Variants in CWC27 observed in about 807,000 individuals in gnomAD.
The protein encoded by CWC27 is CWC27 spliceosome associated cyclophilin, also known as spliceosome-associated protein CWC27 homolog.
A neutral mutation model predicts 63.6 loss-of-function variants in CWC27; 47 were observed. The ratio of observed to expected loss-of-function variants is 0.74; its 90% CI spans 0.58 to 0.94. The LOEUF is 0.94. CWC27 is among the 40% of genes least tolerant of loss of function. The probability of loss-of-function intolerance (pLI) is 0.00; values close to 1 mark genes in which losing one functional copy is unlikely to be tolerated. For missense variants in CWC27, 495 were observed against 554.3 expected (o/e 0.89, Z 1.07); for synonymous variants, 175 against 179.8 (o/e 0.97, Z 0.22).
At chr5:64,798,308 C>A (rs1197714462) in intron 7 of CWC27, among the ~76,000 whole-genome samples, 1 of 152,126 alleles carries the variant, frequency 6.6e-6, no homozygotes, top group Admixed American at 6.6e-5. Context: ...TTAGACTAAA[C>A]CCCATGGAAT....
intron 10 of CWC27, 152 bp downstream of exon 10, chr5:64,804,538 C>T (rs1170499040): frequency 4.6e-5 from 32 of 695,406 alleles, no homozygotes; most frequent in Non-Finnish European, 6.9e-5. Context: ...CATTAGCAGG[C>T]CTAAAATAAA....
chr5:64,776,300 G>C (rs535367344), intron 2 of CWC27, among the ~76,000 whole-genome samples: 1 of 152,138 alleles, frequency 6.6e-6, no homozygotes, highest in South Asian at 2.1e-4. Context: ...AGATTCAAAA[G>C]CTCAAGTTTT....
chr5:64,861,613 A>G (rs1288675421), intron 10 of CWC27, among the ~76,000 whole-genome samples: 1 of 152,176 alleles, frequency 6.6e-6, no homozygotes, highest in African/African-American at 2.4e-5. Context: ...TGCTTTTTCT[A>G]TTTATGTGAA....
Position 65,008,796 on chromosome 5 carries a change from TATAA to T in CWC27, c.1257-9359_1257-9356del, listed in dbSNP as rs1749894108. The stretch of plus-strand genomic sequence containing the variant: ...TAACATTTCTATAATTCTTTGATTC[TATAA>T]ATAGTGTCTGCCCTCCAAATGGCTT... On this transcript the variant is annotated intron_variant, in intron 13 of 13. Coordinates refer to ENST00000381070, the MANE Select transcript of CWC27 (RefSeq NM_005869.4). Among the ~76,000 whole-genome samples the T allele has an allele frequency of 2.0e-5, 3 of 152,376 alleles. No individual in the cohort carries two copies. In the South Asian group the frequency reaches 6.2e-4, roughly 32 times the overall value.
intron 11 of CWC27, among the ~76,000 whole-genome samples, chr5:64,942,463 TAAAAG>T (rs1448186319): frequency 3.0e-4 from 39 of 129,730 alleles, no homozygotes; most frequent in African/African-American, 1.1e-3. Context: ...AAAAAAAAGA[TAAAAG>T]AAAAACATTG....
chr5:64,868,242 A>ATAAAGGG (rs1746577588), intron 10 of CWC27, among the ~76,000 whole-genome samples: 1 of 152,092 alleles, frequency 6.6e-6, no homozygotes, highest in South Asian at 2.1e-4. Flanking sequence ...AAGAACATTT[A>ATAAAGGG]GCTTATAAAG....
chr5:64,974,721 TA>T (rs2112444989), intron 12 of CWC27, among the ~76,000 whole-genome samples: 1 of 152,308 alleles, frequency 6.6e-6, no homozygotes, highest in East Asian at 1.9e-4. Flanking sequence ...TACAGATATA[TA>T]AACACATACA....
At chr5:64,927,528 C>T (rs1748142150) in intron 11 of CWC27, among the ~76,000 whole-genome samples, 1 of 152,200 alleles carries the variant, frequency 6.6e-6, no homozygotes, top group Admixed American at 6.5e-5. Flanking sequence ...TTTCTCCAGC[C>T]TGTCTTTTGT....
intron 11 of CWC27, among the ~76,000 whole-genome samples, chr5:64,963,141 T>C (rs1156279967): frequency 6.6e-6 from 1 of 152,004 alleles, no homozygotes; most frequent in African/African-American, 2.4e-5. Context: ...TTTGTATTTT[T>C]AGTAGAGATA....
intron 11 of CWC27, among the ~76,000 whole-genome samples, chr5:64,916,636 C>G (rs1048041522): frequency 6.6e-6 from 1 of 152,126 alleles, no homozygotes; most frequent in East Asian, 1.9e-4. Context: ...GAACACCCAG[C>G]TCCCCAGAGA....
At chr5:65,005,412 C>T (rs1006956040) in intron 13 of CWC27, among the ~76,000 whole-genome samples, 7 of 152,118 alleles carry the variant, frequency 4.6e-5, no homozygotes, top group Admixed American at 4.6e-4. Context: ...TCCTCAGGTC[C>T]CACATGACAC....
chr5:64,803,238 C>T (rs1744547231), intron 9 of CWC27, among the ~76,000 whole-genome samples: 4 of 152,110 alleles, frequency 2.6e-5, no homozygotes, highest in Admixed American at 2.6e-4. Flanking sequence ...TACGACTCAC[C>T]AGATCAAAGA....
chr5:64,783,539 G>A (rs949809496), intron 3 of CWC27, among the ~76,000 whole-genome samples: 6 of 152,194 alleles, frequency 3.9e-5, no homozygotes, highest in Non-Finnish European at 7.3e-5. Context: ...CTGACTTTGG[G>A]ATGAGAATAG....
intron 3 of CWC27, among the ~76,000 whole-genome samples, chr5:64,783,148 G>A (rs1404888860): frequency 6.6e-6 from 1 of 152,158 alleles, no homozygotes; most frequent in African/African-American, 2.4e-5. Context: ...TTTGTGAAAA[G>A]CATTTATGAT....
chr5:64,967,584 T>G (rs1341616547), intron 11 of CWC27, among the ~76,000 whole-genome samples: 5 of 151,870 alleles, frequency 3.3e-5, no homozygotes, highest in Non-Finnish European at 5.9e-5. Flanking sequence ...AGACATAGAT[T>G]AATGGAACAG....
intron 11 of CWC27, among the ~76,000 whole-genome samples, chr5:64,958,174 C>G (rs1748837793): frequency 6.6e-6 from 1 of 151,792 alleles, no homozygotes; most frequent in East Asian, 1.9e-4. Context: ...AGAGTTAAAA[C>G]TATATTAAGG....
chr5:64,991,831 T>A (rs1442531730), intron 13 of CWC27, among the ~76,000 whole-genome samples: 2 of 152,230 alleles, frequency 1.3e-5, no homozygotes, highest in Non-Finnish European at 2.9e-5. Flanking sequence ...ATTTCATAAG[T>A]TTTTTTATTT....
intron 13 of CWC27, among the ~76,000 whole-genome samples, chr5:64,995,747 A>G (rs1038150349): frequency 2.6e-5 from 4 of 152,200 alleles, no homozygotes; most frequent in African/African-American, 9.7e-5. Context: ...TGTTGTAGCA[A>G]TGTAATACTG....
rs982848906 is a variant in CWC27, at chr5:65,013,822, A to G, written c.1257-4337A>G. Among the ~76,000 whole-genome samples, 14 of 152,290 alleles carry G rather than the reference A, an allele frequency of 9.2e-5. No homozygotes were observed. The East Asian group carries it at 1.5e-3, about 17-fold the overall frequency. On this transcript the variant is annotated intron_variant, in intron 13 of 13. Transcript: ENST00000381070. Reference sequence around the variant, plus strand: ...GAAGAAGAGGTTTGTAGACTTCCCAATGAAAAAGATAGCTGTTTATATTAT... The same window carrying G: ...GAAGAAGAGGTTTGTAGACTTCCCAGTGAAAAAGATAGCTGTTTATATTAT...
Sources: allele counts gnomAD v4.1 joint callset (sites outside exome capture counted in the v4.1 genomes callset), GRCh38; gene constraint gnomAD v4.1.1; transcripts MANE v1.5; gene names NCBI Gene and HGNC (gene_info 2026-07-23, HGNC 2026-07-21).